The following UBE2D2 variants were observed in gnomAD, a reference collection of about 807,000 sequenced individuals.
UBE2D2 encodes ubiquitin conjugating enzyme E2 D2.
In UBE2D2, 2 loss-of-function variants were observed where a neutral mutation model predicts 24.2. The observed-to-expected ratio is 0.08, with a 90% CI of 0.03 to 0.26. The LOEUF is 0.26. UBE2D2 is among the 10% of genes least tolerant of loss of function. The pLI is 1.00. For synonymous variants in UBE2D2, 58 were observed against 56.5 expected, an observed-to-expected ratio of 1.03 and a Z score of -0.12; for missense variants, 44 against 177.6, an observed-to-expected ratio of 0.25 and a Z score of 4.28.
intron 1 of UBE2D2, among the ~76,000 whole-genome samples, chr5:139,575,571 T>G (rs1753452601): frequency 6.6e-6 from 1 of 152,210 alleles, no homozygotes; most frequent in Non-Finnish European, 1.5e-5. Flanking sequence ...CATGTGATAT[T>G]TTTGTAGGTC....
intron 1 of UBE2D2, among the ~76,000 whole-genome samples, chr5:139,545,305 G>A (rs997619396): frequency 6.6e-6 from 1 of 150,970 alleles, no homozygotes; most frequent in South Asian, 2.1e-4. Flanking sequence ...TGGACTCAAG[G>A]TATCCTCCTG....
intron 2 of UBE2D2, among the ~76,000 whole-genome samples, chr5:139,606,791 C>T (rs2126693063): frequency 6.6e-6 from 1 of 152,042 alleles, no homozygotes; most frequent in African/African-American, 2.4e-5. Context: ...TTACTTGAAC[C>T]TCTAGTAATT....
intron 1 of UBE2D2, 35 bp from the exon 2 acceptor site, chr5:139,600,337 G>T (rs746682336): frequency 1.7e-5 from 28 of 1,603,910 alleles, no homozygotes; most frequent in Admixed American, 6.7e-5. Flanking sequence ...GTACATTTAT[G>T]TTGAATATAT....
At chr5:139,599,042 C>T (rs750521426) in intron 1 of UBE2D2, among the ~76,000 whole-genome samples, 2 of 147,288 alleles carry the variant, frequency 1.4e-5, no homozygotes, top group Non-Finnish European at 3.0e-5. Context: ...AATACTCCTG[C>T]TGTAGCCTCC....
chr5:139,541,340 G>T (rs1432631147), intron 1 of UBE2D2, among the ~76,000 whole-genome samples: 1 of 149,814 alleles, frequency 6.7e-6, no homozygotes, highest in Non-Finnish European at 1.5e-5. Flanking sequence ...GGTGGCTCAC[G>T]CTTATAATCC....
chr5:139,625,240 G>T (rs1754592399), intron 6 of UBE2D2, among the ~76,000 whole-genome samples: 1 of 150,816 alleles, frequency 6.6e-6, no homozygotes, highest in African/African-American at 2.4e-5. Flanking sequence ...CCAGTAGCTG[G>T]GACTGCTAGT....
At chr5:139,618,873 A>G (rs1219503691) in intron 5 of UBE2D2, among the ~76,000 whole-genome samples, 1 of 152,156 alleles carries the variant, frequency 6.6e-6, no homozygotes, top group East Asian at 1.9e-4. Context: ...GTTCTATGAA[A>G]TGCCTTAATC....
At chr5:139,540,371 T>C (rs1752738966) in intron 1 of UBE2D2, among the ~76,000 whole-genome samples, 1 of 152,022 alleles carries the variant, frequency 6.6e-6, no homozygotes, top group Non-Finnish European at 1.5e-5. Context: ...CTATGTGACA[T>C]AAACCCATCT....
At chr5:139,546,732 T>C (rs1254779829) in intron 1 of UBE2D2, among the ~76,000 whole-genome samples, 1 of 151,374 alleles carries the variant, frequency 6.6e-6, no homozygotes, top group African/African-American at 2.4e-5. Flanking sequence ...GTGATCCACC[T>C]GCCTTAGCCT....
intron 1 of UBE2D2, among the ~76,000 whole-genome samples, chr5:139,584,265 T>C (rs1004534532): frequency 2.6e-5 from 4 of 152,204 alleles, no homozygotes; most frequent in African/African-American, 4.8e-5. Context: ...AGCACAGTAA[T>C]ATGCTGTATA....
chr5:139,580,640 G>C (rs1360041519), intron 1 of UBE2D2, among the ~76,000 whole-genome samples: 4 of 152,056 alleles, frequency 2.6e-5, no homozygotes, highest in Non-Finnish European at 1.5e-5. Flanking sequence ...TAGAGACGGA[G>C]TTTCACCATG....
upstream of UBE2D2, among the ~76,000 whole-genome samples, chr5:139,556,881 C>T (rs892823634): frequency 6.6e-6 from 1 of 151,040 alleles, no homozygotes; most frequent in African/African-American, 2.4e-5. Context: ...GTCGCCCAGG[C>T]TGGAGTGCAG....
chr5:139,601,620 TA>T (rs1754078896), intron 2 of UBE2D2, among the ~76,000 whole-genome samples: 1 of 145,670 alleles, frequency 6.9e-6, no homozygotes, highest in Non-Finnish European at 1.5e-5. Flanking sequence ...TCTCAAAAAA[TA>T]AAAACAGGAC....
chr5:139,536,204 G>T (rs1475431038), intron 1 of UBE2D2, among the ~76,000 whole-genome samples: 1 of 151,640 alleles, frequency 6.6e-6, no homozygotes, highest in East Asian at 1.9e-4. Flanking sequence ...GGTTCCAGCA[G>T]TTCTCCTGCC....
At chr5:139,577,893 A>G (rs1396619608) in intron 1 of UBE2D2, among the ~76,000 whole-genome samples, 1 of 152,208 alleles carries the variant, frequency 6.6e-6, no homozygotes. Flanking sequence ...TAACCCAGCA[A>G]ATAAGTTCTT....
At chr5:139,589,185 G>A (rs1237516867) in intron 1 of UBE2D2, among the ~76,000 whole-genome samples, 1 of 152,028 alleles carries the variant, frequency 6.6e-6, no homozygotes, top group Admixed American at 6.6e-5. Context: ...CTTGAGCCCA[G>A]GAATTCAAGG....
Position 139,544,607 on chromosome 5 carries a change from C to CCACA in UBE2D2, c.-64+18017_-64+18020dup, listed in dbSNP as rs111460156. On this transcript the variant is annotated intron_variant, in intron 1 of 6. Transcript: ENST00000511725. ...GCCCTGCCAAGCTACTGCATTCTAACCACACACACACACACACACACACAC... is the reference window on the plus strand; with the variant it reads ...GCCCTGCCAAGCTACTGCATTCTAACCACACACACACACACACACACACACACAC... Among the ~76,000 whole-genome samples the CCACA allele has an allele frequency of 2.4e-3, 346 of 145,540 alleles. 3 individuals carry two copies. The highest frequency in any genetic ancestry group is 6.8e-3 in the African/African-American group (269 of 39,840).
At chr5:139,604,600 A>AC (rs1257686474) in intron 2 of UBE2D2, among the ~76,000 whole-genome samples, 2 of 152,204 alleles carry the variant, frequency 1.3e-5, no homozygotes, top group Non-Finnish European at 2.9e-5. Flanking sequence ...TACAGTGAAG[A>AC]AGAGCCAGGC....
At chr5:139,591,062 G>A (rs1448444447) in intron 1 of UBE2D2, among the ~76,000 whole-genome samples, 3 of 150,540 alleles carry the variant, frequency 2.0e-5, no homozygotes, top group Non-Finnish European at 4.4e-5. Context: ...ATCCCAAAGT[G>A]CTGGGATTAC....
Sources: gnomAD v4.1 joint callset for allele counts (sites outside exome capture counted in the v4.1 genomes callset) on GRCh38, gnomAD v4.1.1 for gene constraint, MANE v1.5 for transcripts, NCBI Gene and HGNC (gene_info 2026-07-23, HGNC 2026-07-21) for gene names.